SYMPK: variants seen among roughly 807,000 people sequenced by gnomAD.
SYMPK encodes the protein symplekin scaffold protein.
Under a neutral mutation model 136.4 loss-of-function variants are expected in SYMPK, and 49 were observed. The observed-to-expected ratio is 0.36, with a 90% CI of 0.29 to 0.46. The LOEUF (loss-of-function observed/expected upper bound fraction) is 0.46. SYMPK is among the 20% of genes least tolerant of loss of function. The probability of loss-of-function intolerance (pLI) is 1.00; values close to 1 mark genes in which losing one functional copy is unlikely to be tolerated. For synonymous variants in SYMPK, 766 were observed against 713.0 expected (o/e 1.07, Z -1.19); for missense variants, 1,365 against 1,690.0 (o/e 0.81, Z 3.37).
chr19:45,854,162 C>T lies in SYMPK; in HGVS notation c.171+13G>A, dbSNP rs1355285150. On this transcript the variant is annotated intron_variant, in intron 3 of 26. Transcript: ENST00000245934. ...TTCACCTGCTCAGCCCAGGATGCCC[C>T]CCGGGCCCTCACCTGTTTGAGCACT... 6.2e-7 allele frequency: 1 copy of T among 1,614,134 alleles called. No individual in the cohort carries two copies. Among genetic ancestry groups the T allele is most frequent in the Non-Finnish European group, 8.5e-7 (1 of 1,179,996 alleles).
chr19:45,830,158 C>T lies in SYMPK; in HGVS notation c.1645G>A (p.Val549Met), dbSNP rs1048475241. 9.3e-6 allele frequency: 15 copies of T among 1,607,798 alleles called. No individual in the cohort carries two copies. The highest frequency in any genetic ancestry group is 1.7e-5 in the Admixed American group (1 of 59,512). ...TGGGCATCGGTAAGGGGCTTCAGCA[C>T]GTCGCTGAGACGGAAAATTTTCTTG... is the stretch of plus-strand genomic sequence containing the variant. ...GRKKIFRLSD[V>M]LKPLTDAQVE... The change falls in exon 13 of 27, where the codon GTG becomes ATG. Residue 549 changes from valine to methionine, a missense_variant. By Grantham distance (21) the Val-to-Met change is conservative (BLOSUM62 1). This residue lies in a region of SYMPK where 303 missense variants were observed against 326.6 expected (regional missense o/e 0.93). Transcript: ENST00000245934.
chr19:45,856,110 T>C (rs951485626), intron 1 of SYMPK, among the ~76,000 whole-genome samples: 2 of 152,018 alleles, frequency 1.3e-5, no homozygotes, highest in African/African-American at 4.8e-5. Context: ...TCCCAACACT[T>C]TGGGAGGCCG....
rs757749956 is a variant in SYMPK, at chr19:45,848,740, G to A, written c.426+10C>T. On this transcript the variant is annotated intron_variant, in intron 6 of 26. Transcript: ENST00000245934. ...GGCAGGATGGCCCTGGGTGGGGAGG[G>A]CGCTCTCACCTGCAGGGCCACCTTG... 22 of 1,613,070 alleles carry A rather than the reference G, an allele frequency of 1.4e-5. 1 individual carries two copies. The South Asian group carries it at 2.2e-4, about 16-fold the overall frequency.
rs564299928 is a variant in SYMPK, at chr19:45,835,231, G to A, written c.1243-3C>T. On this transcript the variant is annotated splice_region_variant and splice_polypyrimidine_tract_variant and intron_variant, in intron 10 of 26. Coordinates refer to ENST00000245934, the MANE Select transcript of SYMPK (RefSeq NM_004819.3). Reference sequence around the variant, plus strand: ...AGGTACACCATGCTGATGAGGACCTGTGGGATGCCCAGGAAGAGAGCCTCT... The same window carrying A: ...AGGTACACCATGCTGATGAGGACCTATGGGATGCCCAGGAAGAGAGCCTCT... The A allele has an allele frequency of 9.5e-6, 15 of 1,584,122 alleles. No homozygotes were observed. Among genetic ancestry groups the A allele is most frequent in the Middle Eastern group, 1.7e-4 (1 of 5,926 alleles).
chr19:45,829,927 G>T, intron 13 of SYMPK, 127 bp downstream of exon 13: 2 of 1,089,782 alleles, frequency 1.8e-6, no homozygotes, highest in Non-Finnish European at 2.6e-6. Context: ...AGAAGCGGCT[G>T]TGGGCAGCAG....
Position 45,815,928 on chromosome 19 carries a change from A to T in SYMPK, c.3610T>A (p.Phe1204Ile). 9.9e-6 allele frequency: 16 copies of T among 1,612,206 alleles called. No homozygotes were observed. Among genetic ancestry groups the T allele is most frequent in the Non-Finnish European group, 1.4e-5 (16 of 1,179,858 alleles). ...EGPECETPGI[F>I]ISMDDDSGLT... ...CCCGAGTCGTCATCCATGCTGATGA[A>T]GATGCCCGGGGTCTCGCACTCAGGC... The change falls in exon 26 of 27, where the codon TTC (phenylalanine) becomes ATC (isoleucine). Residue 1204 changes from phenylalanine to isoleucine, a missense_variant. Coordinates refer to ENST00000245934, the MANE Select transcript of SYMPK (RefSeq NM_004819.3).
rs1397644016 is a variant in SYMPK at position 45,816,983 on chromosome 19, G to C, written c.3082-9C>G. On this transcript the variant is annotated splice_polypyrimidine_tract_variant and intron_variant, in intron 23 of 26. Coordinates refer to ENST00000245934, the MANE Select transcript of SYMPK (RefSeq NM_004819.3). ...TTGGGGTACTTCCACACCTGAACCAGGGAGGGAGGGAGCCGTCGGGAGAGG... is the reference window on the plus strand; with the variant it reads ...TTGGGGTACTTCCACACCTGAACCACGGAGGGAGGGAGCCGTCGGGAGAGG... 8 of 1,554,626 alleles carry C rather than the reference G, an allele frequency of 5.1e-6. No individual in the cohort carries two copies. In the South Asian group the frequency reaches 8.3e-5, roughly 16 times the overall value.
chr19:45,824,064 C>T, intron 18 of SYMPK, 189 bp from the exon 19 acceptor site: 1 of 512,612 alleles, frequency 2.0e-6, no homozygotes, highest in Non-Finnish European at 3.5e-6. Flanking sequence ...CCCTGCAGCT[C>T]CTCCAGACAT....
At chr19:45,845,006 A>C (rs533587602) in intron 7 of SYMPK, among the ~76,000 whole-genome samples, 1 of 152,210 alleles carries the variant, frequency 6.6e-6, no homozygotes, top group Non-Finnish European at 1.5e-5. Context: ...CTCCATCACA[A>C]GCATTTATCC....
Position 45,863,093 on chromosome 19 carries a change from A to G in SYMPK, c.-48T>C. The G allele has an allele frequency of 2.5e-6, 1 of 402,768 alleles. No individual in the cohort carries two copies. Among genetic ancestry groups the G allele is most frequent in the Non-Finnish European group, 4.4e-6 (1 of 227,950 alleles). 24.9% of individuals were successfully genotyped at this position (402,768 alleles called of 1,614,324 possible). A position where few individuals can be genotyped will look rare whatever the true frequency, so the allele number is the denominator to read the frequency against. ...GCCTCCGTTCCCCTCGCGCCCCCTC[A>G]GCAGTGCCTCTTCCTACACTCCGCC... On this transcript the variant is annotated 5_prime_UTR_variant, in exon 1 of 27. It removes the in-frame stop codon of an upstream open reading frame in the 5' UTR. Coordinates refer to ENST00000245934, the MANE Select transcript of SYMPK (RefSeq NM_004819.3).
rs760554630 is a variant in SYMPK at position 45,815,833 on chromosome 19, G to A, written c.3687+18C>T. Reference sequence around the variant, plus strand: ...CAGATCCGGCTTCTTCCTTCGCAGCGGAGGCTGCTCTCCCTACCTTGGGTA... The same window carrying A: ...CAGATCCGGCTTCTTCCTTCGCAGCAGAGGCTGCTCTCCCTACCTTGGGTA... On this transcript the variant is annotated intron_variant, in intron 26 of 26. Transcript: ENST00000245934. The A allele has an allele frequency of 3.7e-6, 6 of 1,609,378 alleles. No individual in the cohort carries two copies. The highest frequency in any genetic ancestry group is 2.2e-5 in the East Asian group (1 of 44,756).
intron 9 of SYMPK, 87 bp from the exon 10 acceptor site, chr19:45,838,702 T>A: frequency 7.0e-7 from 1 of 1,434,264 alleles, no homozygotes; most frequent in African/African-American, 1.4e-5. Context: ...GGTCCCTGCC[T>A]CTAGTCAGCC....
Position 45,842,573 on chromosome 19 carries a change from C to T in SYMPK, c.848-84G>A, listed in dbSNP as rs1048959376. On this transcript the variant is annotated intron_variant, in intron 8 of 26. Coordinates refer to ENST00000245934, the MANE Select transcript of SYMPK (RefSeq NM_004819.3). ...CTTAATTCTCAACCCCAAACTTGGG[C>T]AGTGGTCTTGCAGGCATCTACTAGA... The T allele has an allele frequency of 3.8e-6, 6 of 1,559,318 alleles. No homozygotes were observed. The African/African-American group carries it at 8.1e-5, about 21-fold the overall frequency.
intron 15 of SYMPK, 71 bp from the exon 16 acceptor site, chr19:45,827,694 G>A: frequency 6.6e-7 from 1 of 1,517,530 alleles, no homozygotes; most frequent in Non-Finnish European, 9.2e-7. Context: ...TTTCCTGCCT[G>A]CCTCTGATCA....
In SYMPK at chr19:45,817,906, G is replaced by A. The variant is rs904781934; in HGVS notation, c.3081+53C>T. ...AGACGGGGGAAGGGGAGGGCAAGCA[G>A]GCTAGAAGCTGCTGTCTGCAGCCTG... On this transcript the variant is annotated intron_variant, in intron 23 of 26. Coordinates refer to ENST00000245934, the MANE Select transcript of SYMPK (RefSeq NM_004819.3). 4.7e-6 allele frequency: 7 copies of A among 1,498,728 alleles called. No individual in the cohort carries two copies. The South Asian group carries it at 5.3e-5, about 11-fold the overall frequency. 92.8% of individuals were successfully genotyped at this position (1,498,728 alleles called of 1,614,324 possible). A position where few individuals can be genotyped will look rare whatever the true frequency, so the allele number is the denominator to read the frequency against.
intron 22 of SYMPK, chr19:45,820,820 A>C: frequency 2.7e-6 from 1 of 366,974 alleles, no homozygotes; most frequent in Non-Finnish European, 4.9e-6. Flanking sequence ...TGTCTACACA[A>C]TGGAAGTGAA....
chr19:45,818,506 T>C (rs1220702676), intron 22 of SYMPK, among the ~76,000 whole-genome samples: 1 of 152,026 alleles, frequency 6.6e-6, no homozygotes, highest in Non-Finnish European at 1.5e-5. Flanking sequence ...AAGGCAGCTA[T>C]TGGTTTCTAC....
At chr19:45,826,045 A>AC (rs1005629788) in intron 17 of SYMPK, among the ~76,000 whole-genome samples, 181 bp downstream of exon 17, 1 of 151,018 alleles carries the variant, frequency 6.6e-6, no homozygotes, top group Non-Finnish European at 1.5e-5. Flanking sequence ...TCTCTCCCTG[A>AC]CCCCCCAGGC....
chr19:45,817,020 CCCCCCGAGCCTTGACACTG>C, intron 23 of SYMPK, 46 bp from the exon 24 acceptor site: 2 of 1,526,358 alleles, frequency 1.3e-6, no homozygotes, highest in Non-Finnish European at 1.8e-6. Flanking sequence ...ACACAGGCAT[CCCCCCGAGCCTTGACACTG>C]GGAGAAAGAC....
Sources: allele counts gnomAD v4.1 joint callset (sites outside exome capture counted in the v4.1 genomes callset), GRCh38; gene constraint gnomAD v4.1.1; regional missense constraint gnomAD v4.1.1; transcripts MANE v1.5; gene names NCBI Gene and HGNC (gene_info 2026-07-23, HGNC 2026-07-21).